The following TNNI3K variants were observed in gnomAD, a reference collection of about 807,000 sequenced individuals.
TNNI3K encodes serine/threonine-protein kinase TNNI3K.
In TNNI3K, 140 loss-of-function variants were observed where a neutral mutation model predicts 114.5. The observed-to-expected ratio is 1.22, with a 90% CI of 1.07 to 1.41. The LOEUF (loss-of-function observed/expected upper bound fraction) is 1.41, where lower values mean the gene tolerates loss of function less well. Ranked by LOEUF, TNNI3K falls within the 40% of genes most tolerant of loss-of-function variation. The probability of loss-of-function intolerance (pLI) is 0.00; values close to 1 mark genes in which losing one functional copy is unlikely to be tolerated. For missense variants in TNNI3K, 1,125 were observed against 1,007.6 expected, an observed-to-expected ratio of 1.12 and a Z score of -1.58; for synonymous variants, 347 against 347.5, an observed-to-expected ratio of 1.00 and a Z score of 0.02.
intron 2 of TNNI3K, 135 bp downstream of exon 2, chr1:74,236,345 G>A: frequency 1.6e-6 from 1 of 642,842 alleles, no homozygotes; most frequent in Non-Finnish European, 2.5e-6. Flanking sequence ...TAGGATGTCA[G>A]ATTATCTCTC....
chr1:74,335,684 T>C (rs1660426443), intron 6 of TNNI3K, among the ~76,000 whole-genome samples: 1 of 152,166 alleles, frequency 6.6e-6, no homozygotes, highest in African/African-American at 2.4e-5. Context: ...ATTTAAAAAA[T>C]GGTCGCTTGT....
intron 17 of TNNI3K, among the ~76,000 whole-genome samples, chr1:74,413,995 T>C (rs1342029973): frequency 1.3e-5 from 2 of 152,166 alleles, no homozygotes; most frequent in Non-Finnish European, 2.9e-5. Flanking sequence ...TGCTGTATGA[T>C]AGCAGAATAG....
intron 9 of TNNI3K, among the ~76,000 whole-genome samples, chr1:74,347,936 A>G (rs1218572498): frequency 6.6e-6 from 1 of 152,014 alleles, no homozygotes; most frequent in Non-Finnish European, 1.5e-5. Context: ...ATTTTCTCCC[A>G]TTCTATAGGT....
chr1:74,483,299 T>G, intron 21 of TNNI3K: 1 of 717,534 alleles, frequency 1.4e-6, no homozygotes, highest in Non-Finnish European at 2.6e-6. Flanking sequence ...GGGTTACATC[T>G]TTGGTGCACA....
intron 21 of TNNI3K, chr1:74,483,416 C>A: frequency 1.4e-6 from 1 of 706,550 alleles, no homozygotes; most frequent in East Asian, 2.7e-5. Flanking sequence ...ATAATGTTGG[C>A]ATTCACTGTC....
At chr1:74,371,328 C>T (rs993388544) in intron 17 of TNNI3K, 8 of 151,812 alleles carry the variant, frequency 5.3e-5, no homozygotes, top group South Asian at 2.1e-4. Flanking sequence ...CAAAGTGGGA[C>T]GTTCATAGAC....
chr1:74,463,264 T>C (rs1460364179), intron 20 of TNNI3K, among the ~76,000 whole-genome samples, 177 bp from the exon 21 acceptor site: 2 of 152,250 alleles, frequency 1.3e-5, no homozygotes, highest in Non-Finnish European at 2.9e-5. Flanking sequence ...GTTTGTAGTA[T>C]CAAATTATCC....
At chr1:74,502,220 C>T (rs1669669304) in intron 23 of TNNI3K, among the ~76,000 whole-genome samples, 1 of 152,144 alleles carries the variant, frequency 6.6e-6, no homozygotes, top group South Asian at 2.1e-4. Flanking sequence ...TTGTAAACAT[C>T]ATGCAGGCAT....
At chr1:74,253,591 A>C (rs1472704877) in intron 4 of TNNI3K, among the ~76,000 whole-genome samples, 1 of 152,000 alleles carries the variant, frequency 6.6e-6, no homozygotes, top group Admixed American at 6.5e-5. Flanking sequence ...CCGGGTGCTA[A>C]TCCCCTCACT....
chr1:74,354,216 C>T, intron 11 of TNNI3K, 87 bp downstream of exon 11: 8 of 1,566,122 alleles, frequency 5.1e-6, no homozygotes, highest in African/African-American at 1.4e-5. Flanking sequence ...ACTTTGCTTG[C>T]ATGACTTGAA....
chr1:74,258,889 G>A (rs949965814), intron 4 of TNNI3K, among the ~76,000 whole-genome samples: 11 of 152,116 alleles, frequency 7.2e-5, no homozygotes, highest in African/African-American at 2.7e-4. Context: ...TACATCTAGG[G>A]TATTCTAGGA....
chr1:74,246,156 A>G (rs1654537720), intron 2 of TNNI3K, among the ~76,000 whole-genome samples: 1 of 152,378 alleles, frequency 6.6e-6, no homozygotes. Context: ...TAAATGATAG[A>G]GCTATTTATG....
intron 17 of TNNI3K, among the ~76,000 whole-genome samples, chr1:74,433,472 T>A (rs1665984639): frequency 6.6e-6 from 1 of 152,134 alleles, no homozygotes; most frequent in African/African-American, 2.4e-5. Flanking sequence ...AATTTAGTTT[T>A]CATTATTACT....
At chr1:74,451,748 T>TTTC (rs59673828) in intron 20 of TNNI3K, among the ~76,000 whole-genome samples, 1,720 of 35,196 alleles carry the variant, frequency 0.049, 8 homozygotes, top group East Asian at 0.065. Flanking sequence ...TCTTTCTTTC[T>TTTC]TTTCTTTTCT....
chr1:74,284,232 AT>A (rs1657190876), intron 5 of TNNI3K, among the ~76,000 whole-genome samples: 1 of 152,292 alleles, frequency 6.6e-6, no homozygotes, highest in South Asian at 2.1e-4. Flanking sequence ...GCCTTTGAGT[AT>A]TGGATATTCT....
intron 17 of TNNI3K, among the ~76,000 whole-genome samples, chr1:74,379,885 A>G (rs572073224): frequency 6.6e-6 from 1 of 152,252 alleles, no homozygotes; most frequent in South Asian, 2.1e-4. Context: ...AGGGCCAGTT[A>G]AAATGTTGTT....
rs201917013 is a variant in TNNI3K, at chr1:74,331,505, T to C, written c.500T>C (p.Phe167Ser). Reference sequence around the variant, plus strand: ...AATGTCAATATTCAAGATGCAGTTTTTTTCACTCCATTGCATATTGCAGCG... The same window carrying C: ...AATGTCAATATTCAAGATGCAGTTTCTTTCACTCCATTGCATATTGCAGCG... Reference protein sequence around the residue: ...GANVNIQDAVFFTPLHIAAYY... With the variant: ...GANVNIQDAVSFTPLHIAAYY... The change falls in exon 6 of 25, where the codon TTT becomes TCT. Residue 167 changes from phenylalanine to serine, a missense_variant. Transcript: ENST00000326637. 3.1e-6 allele frequency: 5 copies of C among 1,613,738 alleles called. No homozygotes were observed. Among genetic ancestry groups the C allele is most frequent in the Non-Finnish European group, 4.2e-6 (5 of 1,179,894 alleles).
intron 23 of TNNI3K, among the ~76,000 whole-genome samples, chr1:74,520,794 G>A (rs1318600514): frequency 2.0e-5 from 3 of 151,864 alleles, no homozygotes; most frequent in African/African-American, 4.8e-5. Flanking sequence ...TGCAACATGT[G>A]GGTTGCAGCT....
At position 74,255,086 on chromosome 1, in the gene TNNI3K, T is replaced by G. The variant is rs573322976; in HGVS notation, c.333+4317T>G. ...TGAACTTGTTCTTTAACTGTAAACA[T>G]CTAGAGGTTAAAAATGCCTAACTTT... On this transcript the variant is annotated intron_variant, in intron 4 of 24. Transcript: ENST00000326637. Among the ~76,000 whole-genome samples the G allele has an allele frequency of 5.9e-5, 9 of 152,268 alleles. No individual in the cohort carries two copies. The South Asian group carries it at 1.9e-3, about 32-fold the overall frequency.
Sources: allele counts gnomAD v4.1 joint callset (sites outside exome capture counted in the v4.1 genomes callset), GRCh38; gene constraint gnomAD v4.1.1; transcripts MANE v1.5; gene names NCBI Gene and HGNC (gene_info 2026-07-23, HGNC 2026-07-21).